ANKRD27: variants seen among roughly 807,000 people sequenced by gnomAD.
ANKRD27 encodes the protein ankyrin repeat domain 27.
In ANKRD27, 112 loss-of-function variants were observed where a neutral mutation model predicts 129.7. That is an observed-to-expected ratio of 0.86 (90% confidence interval 0.74 to 1.01). ANKRD27 has a LOEUF of 1.01. Ranked by LOEUF, ANKRD27 falls within the 50% of genes least tolerant of loss-of-function variation. The probability of loss-of-function intolerance (pLI) is 0.00; values close to 1 mark genes in which losing one functional copy is unlikely to be tolerated. For missense variants in ANKRD27, 1,258 were observed against 1,300.5 expected (o/e 0.97, Z 0.50); for synonymous variants, 516 against 511.2 (o/e 1.01, Z -0.13).
chr19:32,631,327 T>A, intron 13 of ANKRD27, 75 bp downstream of exon 13: 1 of 1,395,286 alleles, frequency 7.2e-7, no homozygotes. Context: ...CCAACCCTGA[T>A]GGATTTTATA....
At chr19:32,666,020 G>A (rs993149270) in intron 1 of ANKRD27, among the ~76,000 whole-genome samples, 1 of 151,984 alleles carries the variant, frequency 6.6e-6, no homozygotes, top group African/African-American at 2.4e-5. Flanking sequence ...TTCCTACCTC[G>A]GCCTCCCAAA....
rs1303855505 is a variant in ANKRD27 at position 32,650,905 on chromosome 19, T to C, written c.103-1113A>G. Among the ~76,000 whole-genome samples the C allele has an allele frequency of 4.7e-5, 5 of 106,904 alleles. No homozygotes were observed. In the South Asian group the frequency reaches 1.2e-3, roughly 26 times the overall value. 70.1% of individuals were successfully genotyped at this position (106,904 alleles called of 152,430 possible). On this transcript the variant is annotated intron_variant, in intron 2 of 28. Transcript: ENST00000306065. ...CTGGGACAACAGGTGCACACAACCATGACCAGCATTTTTTTTTTAAGTAGA... is the reference window on the plus strand; with the variant it reads ...CTGGGACAACAGGTGCACACAACCACGACCAGCATTTTTTTTTTAAGTAGA...
chr19:32,643,870 C>A, intron 5 of ANKRD27: 1 of 542,614 alleles, frequency 1.8e-6, no homozygotes, highest in Non-Finnish European at 3.3e-6. Flanking sequence ...GACTTTACCA[C>A]TTGGTTTGTT....
At chr19:32,657,367 C>A (rs2145316744) in intron 2 of ANKRD27, among the ~76,000 whole-genome samples, 1 of 151,648 alleles carries the variant, frequency 6.6e-6, no homozygotes, top group Admixed American at 6.6e-5. Context: ...GAGACTCAGG[C>A]AGGAAAATCG....
chr19:32,658,799 G>A, intron 2 of ANKRD27, 115 bp downstream of exon 2: 1 of 911,264 alleles, frequency 1.1e-6, no homozygotes, highest in African/African-American at 1.6e-5. Flanking sequence ...CAAGCACACT[G>A]CTGGGAGCTT....
At chr19:32,613,001 C>A (rs1476438144) in intron 22 of ANKRD27, among the ~76,000 whole-genome samples, 1 of 152,020 alleles carries the variant, frequency 6.6e-6, no homozygotes, top group Non-Finnish European at 1.5e-5. Context: ...TATAGACAAG[C>A]TACAGACTGA....
At chr19:32,619,013 A>C (rs768645652) in intron 20 of ANKRD27, among the ~76,000 whole-genome samples, 4 of 152,078 alleles carry the variant, frequency 2.6e-5, no homozygotes, top group Non-Finnish European at 4.4e-5. Context: ...ACACAAACGC[A>C]CTCTACCACA....
intron 2 of ANKRD27, among the ~76,000 whole-genome samples, chr19:32,656,087 GAAAGAAAGAAAGAAAGAAAGA>G (rs1967520602): frequency 8.2e-6 from 1 of 121,848 alleles, no homozygotes; most frequent in African/African-American, 4.0e-5. Context: ...AAGAAAGAAA[GAAAGAAAGAAAGAAAGAAAGA>G]AAAGAAAAGA....
intron 10 of ANKRD27, among the ~76,000 whole-genome samples, chr19:32,640,598 A>C (rs1702411778): frequency 6.6e-6 from 1 of 152,204 alleles, no homozygotes; most frequent in South Asian, 2.1e-4. Context: ...GAACATGACC[A>C]AAACAAGGTA....
chr19:32,617,085 C>G (rs1027855127), intron 21 of ANKRD27, among the ~76,000 whole-genome samples: 13 of 152,158 alleles, frequency 8.5e-5, no homozygotes, highest in Non-Finnish European at 1.6e-4. Context: ...GTATGTTGAT[C>G]TGCCTCATTA....
At chr19:32,662,311 CAAAAAAAAAAAA>C (rs34066529) in intron 1 of ANKRD27, among the ~76,000 whole-genome samples, 5 of 38,006 alleles carry the variant, frequency 1.3e-4, no homozygotes, top group South Asian at 1.6e-3. Context: ...ACTCAGTCTC[CAAAAAAAAAAAA>C]AAAAAAAAAA....
intron 24 of ANKRD27, among the ~76,000 whole-genome samples, chr19:32,605,576 C>T (rs763272712): frequency 6.6e-6 from 1 of 152,196 alleles, no homozygotes; most frequent in Non-Finnish European, 1.5e-5. Flanking sequence ...GACACATTCC[C>T]GGTCGGTGAG....
chr19:32,632,899 C>A (rs940296963), intron 12 of ANKRD27, among the ~76,000 whole-genome samples: 1 of 152,192 alleles, frequency 6.6e-6, no homozygotes, highest in Non-Finnish European at 1.5e-5. Flanking sequence ...TCCTGGGGTC[C>A]TCTGCCATGC....
rs76128745 is a variant in ANKRD27 at position 32,636,384 on chromosome 19, G to A, written c.1116+2972C>T. 1.5e-3 allele frequency: 224 copies of A among 153,682 alleles called. 6 individuals are homozygous for A. The East Asian group carries it at 0.038, about 26-fold the overall frequency. 9.5% of individuals were successfully genotyped at this position (153,682 alleles called of 1,614,324 possible). A position where few individuals can be genotyped will look rare whatever the true frequency, so the allele number is the denominator to read the frequency against. ...GACAGAGAGGGGAGACCCTATGAAG[G>A]GGCTAGCTGCAGCTATGTAGCAGTT... On this transcript the variant is annotated intron_variant, in intron 12 of 28. Transcript: ENST00000306065.
intron 1 of ANKRD27, among the ~76,000 whole-genome samples, chr19:32,667,455 A>G (rs577787295): frequency 6.6e-6 from 1 of 152,318 alleles, no homozygotes; most frequent in South Asian, 2.1e-4. Context: ...CAACAGGCAT[A>G]TGCCACCATC....
At chr19:32,628,622 G>A in intron 14 of ANKRD27, 100 bp downstream of exon 14, 1 of 1,470,886 alleles carries the variant, frequency 6.8e-7, no homozygotes, top group Non-Finnish European at 9.3e-7. Flanking sequence ...GGGCAGGGAG[G>A]ACAGTCCTTA....
intron 12 of ANKRD27, chr19:32,636,486 T>C (rs1444474720): frequency 7.1e-6 from 1 of 141,298 alleles, no homozygotes; most frequent in East Asian, 2.0e-4. Context: ...ACGAATAAAA[T>C]GCTGGCTCAC....
chr19:32,631,611 G>A (rs34767952), intron 12 of ANKRD27, 117 bp from the exon 13 acceptor site: 22,018 of 775,384 alleles, frequency 0.028, 447 homozygotes, highest in East Asian at 0.094. Flanking sequence ...CCTCTCTCCC[G>A]TCTCATATGG....
At position 32,644,380 on chromosome 19, in the gene ANKRD27, G is replaced by T; in HGVS notation, c.470C>A (p.Ala157Asp). ...TTCTCGGAATGTTCGATGGAAAGAGGCGATGTTCCTGTCAAATCGCTCGGA... is the reference window on the plus strand; with the variant it reads ...TTCTCGGAATGTTCGATGGAAAGAGTCGATGTTCCTGTCAAATCGCTCGGA... ...RHSERFDRNIASFHRTFRECE... is the reference protein window; with the variant it reads ...RHSERFDRNIDSFHRTFRECE... The change falls in exon 5 of 29, where the codon GCC becomes GAC. Residue 157 changes from alanine to aspartate, a missense_variant. Transcript: ENST00000306065. The T allele has an allele frequency of 6.2e-7, 1 of 1,614,018 alleles. No homozygotes were observed. Among genetic ancestry groups the T allele is most frequent in the Non-Finnish European group, 8.5e-7 (1 of 1,180,010 alleles).
Sources: allele counts gnomAD v4.1 joint callset (sites outside exome capture counted in the v4.1 genomes callset), GRCh38; gene constraint gnomAD v4.1.1; transcripts MANE v1.5; gene names NCBI Gene and HGNC (gene_info 2026-07-23, HGNC 2026-07-21).